ARID2: variants seen among roughly 807,000 people sequenced by gnomAD.
The protein encoded by ARID2 is AT-rich interaction domain 2.
In ARID2, 32 loss-of-function variants were observed where a neutral mutation model predicts 184.6. The ratio of observed to expected loss-of-function variants is 0.17; its 90% confidence interval spans 0.13 to 0.23. ARID2 has a LOEUF of 0.23. Among genes scored for constraint, ARID2 ranks in the 10% least tolerant of loss-of-function variants. ARID2 has a pLI of 1.00. For missense variants in ARID2, 1,696 were observed against 2,197.6 expected (o/e 0.77, Z 4.56); for synonymous variants, 836 against 772.6 (o/e 1.08, Z -1.36).
chr12:45,845,901 G>T (rs1006506978), intron 11 of ARID2: 3 of 151,918 alleles, frequency 2.0e-5, no homozygotes, highest in Non-Finnish European at 4.4e-5. Context: ...GATCAATAGT[G>T]AAAAAAGGAT....
At chr12:45,765,053 G>T (rs1205713740) in intron 3 of ARID2, among the ~76,000 whole-genome samples, 2 of 152,154 alleles carry the variant, frequency 1.3e-5, no homozygotes, top group Non-Finnish European at 2.9e-5. Flanking sequence ...TAAAAGATGT[G>T]TAATAATATC....
In ARID2 at chr12:45,839,406, C is replaced by T. The variant is rs1192818275; in HGVS notation, c.1408C>T (p.His470Tyr). Residue 470 changes from histidine (H) to tyrosine (Y), a missense_variant, in exon 11 of 21, where the codon CAC (histidine) becomes TAC (tyrosine). Transcript: ENST00000334344. Reference protein sequence around the residue: ...DALAAVKLIEHPSSSHQMLSE... With the variant: ...DALAAVKLIEYPSSSHQMLSE... ...ACTAGCTGCGGTAAAACTCATTGAA[C>T]ACCCAAGTTCCAGTCATCAAATGTT... 3 of 1,613,986 alleles carry T rather than the reference C, an allele frequency of 1.9e-6. No individual in the cohort carries two copies. Among genetic ancestry groups the T allele is most frequent in the African/African-American group, 1.3e-5 (1 of 74,920 alleles).
intron 3 of ARID2, among the ~76,000 whole-genome samples, chr12:45,765,411 A>G (rs1352245077): frequency 6.6e-6 from 1 of 151,940 alleles, no homozygotes; most frequent in African/African-American, 2.4e-5. Context: ...GTGTCTCATC[A>G]TGTTGCTCAG....
chr12:45,871,074 T>C (rs1443679149), intron 16 of ARID2, among the ~76,000 whole-genome samples: 1 of 152,262 alleles, frequency 6.6e-6, no homozygotes, highest in East Asian at 1.9e-4. Flanking sequence ...TTTGTATTCC[T>C]ACCAGCAGTG....
At chr12:45,862,138 A>G (rs1943760545) in intron 16 of ARID2, among the ~76,000 whole-genome samples, 1 of 152,146 alleles carries the variant, frequency 6.6e-6, no homozygotes, top group African/African-American at 2.4e-5. Flanking sequence ...CTCTCAACCC[A>G]GTAGTGGGAC....
In ARID2 at chr12:45,899,713, A is replaced by T. The variant is rs556616006; in HGVS notation, c.5364-5221A>T. On this transcript the variant is annotated intron_variant, in intron 20 of 20. Transcript: ENST00000334344. ...TATATGGTTATATATATATATGGTT[A>T]TATATATATGGTTATATATATATGG... 7.3e-3 allele frequency among the ~76,000 whole-genome samples: 1,024 copies of T among 139,570 alleles called. 10 individuals carry two copies. The highest frequency in any genetic ancestry group is 0.015 in the Middle Eastern group (4 of 270). 91.6% of individuals were successfully genotyped at this position (139,570 alleles called of 152,430 possible).
rs190122089 is a variant in ARID2, at chr12:45,808,125, A to G, written c.285-3293A>G. The stretch of plus-strand genomic sequence containing the variant: ...TTTTGAGGAGAAAGATGTGCAGTCT[A>G]GCATTTGTAGTTTAATGGGTGAACA... On this transcript the variant is annotated intron_variant, in intron 3 of 20. Coordinates refer to ENST00000334344, the MANE Select transcript of ARID2 (RefSeq NM_152641.4). Among the ~76,000 whole-genome samples, 177 of 152,360 alleles carry G rather than the reference A, an allele frequency of 1.2e-3. 1 individual carries two copies. The highest frequency in any genetic ancestry group is 2.2e-3 in the Non-Finnish European group (151 of 68,034).
intron 3 of ARID2, among the ~76,000 whole-genome samples, chr12:45,785,518 C>T (rs1942179551): frequency 6.6e-6 from 1 of 152,040 alleles, no homozygotes; most frequent in South Asian, 2.1e-4. Flanking sequence ...TTTAGAAGGC[C>T]TAAGTACAAC....
intron 6 of ARID2, among the ~76,000 whole-genome samples, chr12:45,832,605 T>C (rs554186423): frequency 8.5e-5 from 13 of 152,284 alleles, no homozygotes; most frequent in African/African-American, 2.9e-4. Flanking sequence ...GCCTCCCAAG[T>C]AGCTGGGACT....
intron 16 of ARID2, among the ~76,000 whole-genome samples, chr12:45,884,321 G>C (rs1944149731): frequency 6.6e-6 from 1 of 152,102 alleles, no homozygotes; most frequent in South Asian, 2.1e-4. Flanking sequence ...ACTTAAACCT[G>C]GGAGGTGGAG....
Position 45,852,739 on chromosome 12 carries a change from T to C in ARID2, c.4616T>C (p.Val1539Ala). 6.2e-7 allele frequency: 1 copy of C among 1,614,160 alleles called. No homozygotes were observed. Among genetic ancestry groups the C allele is most frequent in the Non-Finnish European group, 8.5e-7 (1 of 1,180,014 alleles). Residue 1539 changes from valine (V) to alanine (A), a missense_variant, in exon 15 of 21, where the codon GTT becomes GCT. Val to Ala is a moderately conservative substitution (Grantham distance 64). Around this residue, in one of 11 missense-constraint regions of ARID2, gnomAD observed 111 missense variants for 154.0 expected, o/e 0.72. Transcript: ENST00000334344. The part of the protein sequence containing the change: ...GIPNKVGVRI[V>A]TISDPNNAGC... ...CCAAATAAAGTAGGAGTTAGAATTG[T>C]TACAATCAGTGACCCCAACAATGCT...
At chr12:45,762,692 A>G (rs554006467) in intron 3 of ARID2, among the ~76,000 whole-genome samples, 1 of 152,310 alleles carries the variant, frequency 6.6e-6, no homozygotes, top group South Asian at 2.1e-4. Flanking sequence ...GATTCATAGG[A>G]ATAAGCCAGC....
chr12:45,806,980 CT>C, intron 3 of ARID2, among the ~76,000 whole-genome samples: 1 of 152,278 alleles, frequency 6.6e-6, no homozygotes. Context: ...TCTGGGTCCC[CT>C]TTTGAAACAC....
chr12:45,801,661 T>C (rs1356095771), intron 3 of ARID2, among the ~76,000 whole-genome samples: 2 of 152,136 alleles, frequency 1.3e-5, no homozygotes, highest in East Asian at 1.9e-4. Context: ...TTAAGACATA[T>C]CAAATAAACC....
chr12:45,749,601 C>T (rs1211179597), intron 3 of ARID2, among the ~76,000 whole-genome samples: 1 of 152,206 alleles, frequency 6.6e-6, no homozygotes, highest in Non-Finnish European at 1.5e-5. Flanking sequence ...ATGGCATCTT[C>T]TTCCAATAGA....
intron 3 of ARID2, 39 bp from the exon 4 acceptor site, chr12:45,811,379 C>A (rs747901002): frequency 2.5e-6 from 4 of 1,569,798 alleles, no homozygotes; most frequent in East Asian, 2.3e-5. Context: ...AGATATAAAT[C>A]TATTTTTAAA....
intron 16 of ARID2, among the ~76,000 whole-genome samples, chr12:45,872,550 A>G (rs1943943319): frequency 6.6e-6 from 1 of 152,150 alleles, no homozygotes; most frequent in African/African-American, 2.4e-5. Context: ...ACAGAAAGGG[A>G]AGTAAACACG....
chr12:45,739,525 C>A (rs1276803708), intron 3 of ARID2, among the ~76,000 whole-genome samples: 3 of 118,164 alleles, frequency 2.5e-5, no homozygotes, highest in Non-Finnish European at 4.8e-5. Context: ...ATGAAGAATT[C>A]AAATAAAGTT....
At chr12:45,789,133 G>A (rs1364668911) in intron 3 of ARID2, 1 of 152,174 alleles carries the variant, frequency 6.6e-6, no homozygotes, top group African/African-American at 2.4e-5. Context: ...TCAAATCCTG[G>A]TTGTAAAACT....
Sources: allele counts gnomAD v4.1 joint callset (sites outside exome capture counted in the v4.1 genomes callset), GRCh38; gene constraint gnomAD v4.1.1; regional missense constraint gnomAD v4.1.1; transcripts MANE v1.5; gene names NCBI Gene and HGNC (gene_info 2026-07-23, HGNC 2026-07-21).